The following GRIN2D variants were observed in gnomAD, a reference collection of about 807,000 sequenced individuals.
GRIN2D encodes glutamate receptor ionotropic, NMDA 2D.
A neutral mutation model predicts 103.2 loss-of-function variants in GRIN2D; 37 were observed. That is an observed-to-expected ratio of 0.36 (90% CI 0.28 to 0.47). The LOEUF (loss-of-function observed/expected upper bound fraction) is 0.47, where lower values mean the gene tolerates loss of function less well. Among genes scored for constraint, GRIN2D ranks in the 20% least tolerant of loss-of-function variants. GRIN2D has a pLI of 1.00. For missense variants in GRIN2D, 1,557 were observed against 1,910.6 expected (o/e 0.81, Z 3.45); for synonymous variants, 845 against 885.6 (o/e 0.95, Z 0.81).
Position 48,442,905 on chromosome 19 carries a change from C to T in GRIN2D, c.2979C>T (p.Ser993=), listed in dbSNP as rs1971318392. The part of the protein sequence containing the change: ...APRGAAGRPL[S]PPAAQPPQKP... ...GGGGCGCAGCCGGGCGCCCGCTGTC[C>T]CCGCCGGCCGCTCAGCCCCCGCAGA... The change falls in exon 14 of 14, where the codon TCC becomes TCT. Residue 993 remains serine (S), a synonymous_variant. Transcript: ENST00000263269. The surrounding 1 kb of genome is among the most constrained non-coding windows in gnomAD (Gnocchi z 7.2). 1.8e-6 allele frequency: 2 copies of T among 1,103,984 alleles called. No individual in the cohort carries two copies. The highest frequency in any genetic ancestry group is 6.0e-5 in the East Asian group (1 of 16,786). 68.4% of individuals were successfully genotyped at this position (1,103,984 alleles called of 1,614,324 possible).
At position 48,443,725 on chromosome 19, in the gene GRIN2D, C is replaced by A; in HGVS notation, c.3799C>A (p.Pro1267Thr). The stretch of plus-strand genomic sequence containing the variant: ...GGGCTGGGACCTCCCGCCGCCCGCG[C>A]CCACCTCGCGCTCGCTCGAGGACCT... ...AGGWDLPPPAPTSRSLEDLSS... is the reference protein window; with the variant it reads ...AGGWDLPPPATTSRSLEDLSS... Residue 1267 changes from proline to threonine, a missense_variant, in exon 14 of 14, where the codon CCC (proline) becomes ACC (threonine). By Grantham distance (38) the Pro-to-Thr change is conservative. Transcript: ENST00000263269. This position sits in a 1 kb window ranked among gnomAD's most constrained non-coding sequence, Gnocchi z 8.9. The A allele has an allele frequency of 1.5e-6, 2 of 1,334,466 alleles. No homozygotes were observed. The highest frequency in any genetic ancestry group is 1.9e-5 in the South Asian group (1 of 53,316). 82.7% of individuals were successfully genotyped at this position (1,334,466 alleles called of 1,614,324 possible).
At chr19:48,436,917 G>A (rs982148976) in intron 11 of GRIN2D, among the ~76,000 whole-genome samples, 4 of 152,114 alleles carry the variant, frequency 2.6e-5, no homozygotes, top group African/African-American at 7.2e-5. Flanking sequence ...CTCTAAACTC[G>A]AGGTGATCCA....
intron 11 of GRIN2D, among the ~76,000 whole-genome samples, chr19:48,433,574 G>A (rs1269840710): frequency 6.6e-6 from 1 of 152,092 alleles, no homozygotes; most frequent in Non-Finnish European, 1.5e-5. Flanking sequence ...ACCCCACAGG[G>A]GGAGAAAGGA....
rs528817055 is a variant in GRIN2D at position 48,405,886 on chromosome 19, C to T, written c.1085+533C>T. ...TTCTCCCACACTGTTACTCTGGCAT[C>T]TCTGCATGGTCGAAGTGGGTCGTGG... On this transcript the variant is annotated intron_variant, in intron 4 of 13. Transcript: ENST00000263269. This position sits in a 1 kb window ranked among gnomAD's most constrained non-coding sequence, Gnocchi z 5.1. 1.5e-4 allele frequency among the ~76,000 whole-genome samples: 23 copies of T among 152,292 alleles called. No homozygotes were observed. Among genetic ancestry groups the T allele is most frequent in the Admixed American group, 2.6e-4 (4 of 15,288 alleles).
Position 48,443,575 on chromosome 19 carries a change from G to A in GRIN2D, c.3649G>A (p.Gly1217Arg). 2.5e-6 allele frequency: 3 copies of A among 1,219,354 alleles called. No individual in the cohort carries two copies. Among genetic ancestry groups the A allele is most frequent in the Admixed American group, 4.5e-5 (1 of 22,470 alleles). The allele number at this position is 1,219,354 out of a possible 1,614,324, so 75.5% of individuals were successfully genotyped here. Residue 1217 changes from glycine to arginine, a missense_variant, in exon 14 of 14, where the codon GGG becomes AGG. Gly to Arg is a moderately radical substitution (Grantham distance 125). Around this residue, in one of 7 missense-constraint regions of GRIN2D, gnomAD observed 632 missense variants for 572.8 expected, o/e 1.10. Coordinates refer to ENST00000263269, the MANE Select transcript of GRIN2D (RefSeq NM_000836.4). The surrounding 1 kb of genome is among the most constrained non-coding windows in gnomAD (Gnocchi z 8.9). ...WAPPPPPWAA[G>R]PLPRRRARCG... Reference sequence around the variant, plus strand: ...GCCACCGCCTCCACCCTGGGCCGCCGGGCCCCTGCCCCGACGCCGGGCCCG... The same window carrying A: ...GCCACCGCCTCCACCCTGGGCCGCCAGGCCCCTGCCCCGACGCCGGGCCCG...
rs1970868680 is a variant in GRIN2D, at chr19:48,412,052, C to T, written c.1086-1939C>T. ...TACTTAAAAAAAAAAAGAGGCTGGG[C>T]GTGGTGGCTCATGCCTGTAATCCCA... On this transcript the variant is annotated intron_variant, in intron 4 of 13. Coordinates refer to ENST00000263269, the MANE Select transcript of GRIN2D (RefSeq NM_000836.4). Among the ~76,000 whole-genome samples, 4 of 151,028 alleles carry T rather than the reference C, an allele frequency of 2.6e-5. No individual in the cohort carries two copies. The South Asian group carries it at 6.3e-4, about 24-fold the overall frequency.
At chr19:48,424,019 A>T (rs570562707) in intron 11 of GRIN2D, among the ~76,000 whole-genome samples, 1 of 151,966 alleles carries the variant, frequency 6.6e-6, no homozygotes, top group East Asian at 1.9e-4. Context: ...AGGTTTCACC[A>T]TGTTGGTCAG....
rs1461904559 is a variant in GRIN2D at position 48,416,022 on chromosome 19, C to T, written c.1602C>T (p.Asp534=). The stretch of plus-strand genomic sequence containing the variant: ...CCCAGGTGTTCTACCAGCGCGCAGA[C>T]ATGGCCATCGGCTCCCTCACCATCA... ...MIGEVFYQRA[D]MAIGSLTINE... is the part of the protein sequence containing the mutation. Residue 534 remains aspartate (D), a synonymous_variant, in exon 8 of 14, where the codon GAC becomes GAT. Transcript: ENST00000263269. 7 of 1,613,756 alleles carry T rather than the reference C, an allele frequency of 4.3e-6. No individual in the cohort carries two copies. Among genetic ancestry groups the T allele is most frequent in the Non-Finnish European group, 5.9e-6 (7 of 1,179,924 alleles).
chr19:48,418,764 C>T (rs756495254), intron 8 of GRIN2D, among the ~76,000 whole-genome samples: 4 of 151,994 alleles, frequency 2.6e-5, no homozygotes, highest in Non-Finnish European at 5.9e-5. Context: ...CTGGGCTCAG[C>T]ATGGGACATG....
chr19:48,443,414 C>T lies in GRIN2D; in HGVS notation c.3488C>T (p.Ala1163Val). The change falls in exon 14 of 14, where the codon GCC (alanine) becomes GTC (valine). Residue 1163 changes from alanine to valine, a missense_variant. By Grantham distance (64) the Ala-to-Val change is moderately conservative. Transcript: ENST00000263269. This position sits in a 1 kb window ranked among gnomAD's most constrained non-coding sequence, Gnocchi z 8.9. ...WSVDKLGGWR[A>V]GSWDYLPPRS... ...GTCGACAAGCTCGGGGGCTGGCGCG[C>T]CGGGAGCTGGGACTACCTGCCCCCG... is the stretch of plus-strand genomic sequence containing the variant. 2 of 1,405,988 alleles carry T rather than the reference C, an allele frequency of 1.4e-6. No homozygotes were observed. The highest frequency in any genetic ancestry group is 1.5e-5 in the South Asian group (1 of 66,886). 87.1% of individuals were successfully genotyped at this position (1,405,988 alleles called of 1,614,324 possible).
rs1369748748 is a variant in GRIN2D, at chr19:48,443,905, G to A, written c.3979G>A (p.Ala1327Thr). 4.1e-6 allele frequency: 6 copies of A among 1,459,466 alleles called. No individual in the cohort carries two copies. The highest frequency in any genetic ancestry group is 5.4e-6 in the Non-Finnish European group (6 of 1,110,422). The allele number at this position is 1,459,466 out of a possible 1,614,324, so 90.4% of individuals were successfully genotyped here. ...GGDLGTRRGS[A>T]HFSSLESEV is the part of the protein sequence containing the mutation. ...GGACCTGGGCACCCGCAGGGGCTCG[G>A]CGCACTTCTCTAGCCTCGAGTCCGA... Residue 1327 changes from alanine to threonine, a missense_variant, in exon 14 of 14, where the codon GCG becomes ACG. Ala to Thr is a moderately conservative substitution (Grantham distance 58). Coordinates refer to ENST00000263269, the MANE Select transcript of GRIN2D (RefSeq NM_000836.4). This position sits in a 1 kb window ranked among gnomAD's most constrained non-coding sequence, Gnocchi z 8.9.
chr19:48,410,911 A>G (rs1378979211), intron 4 of GRIN2D, among the ~76,000 whole-genome samples: 1 of 152,130 alleles, frequency 6.6e-6, no homozygotes, highest in African/African-American at 2.4e-5. Context: ...GGTGGATGAC[A>G]TGAGAGACAG....
At chr19:48,435,353 C>G (rs1325556245) in intron 11 of GRIN2D, among the ~76,000 whole-genome samples, 1 of 150,676 alleles carries the variant, frequency 6.6e-6, no homozygotes, top group Non-Finnish European at 1.5e-5. Flanking sequence ...GCCCGGGCAC[C>G]ATCTCAGCTC....
intron 4 of GRIN2D, among the ~76,000 whole-genome samples, chr19:48,411,077 T>C (rs1293601790): frequency 1.3e-5 from 2 of 152,152 alleles, no homozygotes; most frequent in African/African-American, 2.4e-5. Context: ...GTACAGCGGC[T>C]CGTGCCAGTA....
At chr19:48,435,167 G>A (rs927808475) in intron 11 of GRIN2D, among the ~76,000 whole-genome samples, 6 of 152,086 alleles carry the variant, frequency 3.9e-5, no homozygotes, top group African/African-American at 7.2e-5. Flanking sequence ...TCAAGGTGTC[G>A]GCAGTGATGG....
chr19:48,435,749 C>T (rs1320957380), intron 11 of GRIN2D, among the ~76,000 whole-genome samples: 16 of 152,186 alleles, frequency 1.1e-4, no homozygotes, highest in Admixed American at 7.9e-4. Context: ...ACCCAGCCGT[C>T]CAGCCATTTC....
chr19:48,422,363 A>C (rs1971035347), intron 11 of GRIN2D, among the ~76,000 whole-genome samples: 1 of 152,230 alleles, frequency 6.6e-6, no homozygotes, highest in African/African-American at 2.4e-5. Context: ...CTGTAATCCC[A>C]GCACTTTCAG....
chr19:48,401,917 A>G (rs188739410), intron 3 of GRIN2D, among the ~76,000 whole-genome samples: 2 of 152,236 alleles, frequency 1.3e-5, no homozygotes, highest in East Asian at 1.9e-4. Flanking sequence ...CCTGGCCAAC[A>G]TGGTGAAACC....
rs954266085 is a variant in GRIN2D at position 48,393,709 on chromosome 19, T to C, written c.-465T>C. On this transcript the variant is annotated 5_prime_UTR_variant, in exon 1 of 14. Transcript: ENST00000263269. The surrounding 1 kb of genome is among the most constrained non-coding windows in gnomAD (Gnocchi z 5.6). The stretch of plus-strand genomic sequence containing the variant: ...TGTGTGCGAGAACACAGCGAGTGTG[T>C]GAGTCCCTCCCGCTCCAGCTCCTCC... 6.6e-6 allele frequency among the ~76,000 whole-genome samples: 1 copy of C among 151,994 alleles called. No homozygotes were observed. The highest frequency in any genetic ancestry group is 2.4e-5 in the African/African-American group (1 of 41,372).
Sources: allele counts gnomAD v4.1 joint callset (sites outside exome capture counted in the v4.1 genomes callset), GRCh38; gene constraint gnomAD v4.1.1; regional missense constraint gnomAD v4.1.1; non-coding constraint Gnocchi (gnomAD v3.1); transcripts MANE v1.5; gene names NCBI Gene and HGNC (gene_info 2026-07-23, HGNC 2026-07-21).